MDM1: variants seen among roughly 807,000 people sequenced by gnomAD.
The protein encoded by MDM1 is stabilizer of axonemal microtubules 6.
In MDM1, 61 loss-of-function variants were observed where a neutral mutation model predicts 89.1. The observed-to-expected ratio is 0.68, with a 90% CI of 0.56 to 0.85. The LOEUF is 0.85. Ranked by LOEUF, MDM1 falls within the 40% of genes least tolerant of loss-of-function variation. The probability of loss-of-function intolerance (pLI) is 0.00; values close to 1 mark genes in which losing one functional copy is unlikely to be tolerated. For synonymous variants in MDM1, 290 were observed against 294.1 expected (o/e 0.99, Z 0.14); for missense variants, 820 against 846.5 (o/e 0.97, Z 0.39).
At chr12:68,313,385 CAT>C in intron 12 of MDM1, 56 bp downstream of exon 12, 2 of 1,161,672 alleles carry the variant, frequency 1.7e-6, no homozygotes, top group Non-Finnish European at 2.6e-6. Context: ...TCATTTATTA[CAT>C]GTGTCTACAA....
In MDM1 at chr12:68,332,335, A is replaced by T. The variant is rs913388670; in HGVS notation, c.-90T>A. 1.4e-6 allele frequency: 2 copies of T among 1,433,478 alleles called. No homozygotes were observed. Among genetic ancestry groups the T allele is most frequent in the African/African-American group, 1.4e-5 (1 of 69,626 alleles). 88.8% of individuals were successfully genotyped at this position (1,433,478 alleles called of 1,614,324 possible). A position where few individuals can be genotyped will look rare whatever the true frequency, so the allele number is the denominator to read the frequency against. On this transcript the variant is annotated 5_prime_UTR_variant, in exon 1 of 15. Coordinates refer to ENST00000682720, the MANE Select transcript of MDM1 (RefSeq NM_001354969.2). ...GGGCGATAACAGTGTTCCCTAGCAA[A>T]GCCTCGGCCCGGCGTCCCCGACTAC...
rs760146413 is a variant in MDM1 at position 68,326,535 on chromosome 12, G to A, written c.498+122C>T. 6 of 1,600,444 alleles carry A rather than the reference G, an allele frequency of 3.7e-6. No homozygotes were observed. In the South Asian group the frequency reaches 4.5e-5, roughly 12 times the overall value. ...CAGCCTGTTATCAACTATTCTTATA[G>A]ACATTAGACAAGAAAACAACAATGG... On this transcript the variant is annotated intron_variant, in intron 3 of 14. Coordinates refer to ENST00000682720, the MANE Select transcript of MDM1 (RefSeq NM_001354969.2).
intron 7 of MDM1, 31 bp downstream of exon 7, chr12:68,321,316 A>T (rs764772670): frequency 6.5e-7 from 1 of 1,548,078 alleles, no homozygotes; most frequent in Non-Finnish European, 8.8e-7. Context: ...CTGAAAGAAC[A>T]TGTAGGCTTA....
chr12:68,323,061 G>T lies in MDM1; in HGVS notation c.801+12C>A. 6.3e-7 allele frequency: 1 copy of T among 1,590,770 alleles called. No homozygotes were observed. On this transcript the variant is annotated intron_variant, in intron 5 of 14. Transcript: ENST00000682720. ...GGGATTTTGTTTTGTAAGGTTAAAA[G>T]TTGATGAATACCTTCCTTTCAGGAG...
chr12:68,313,419 CT>C (rs1873975503), intron 12 of MDM1, 23 bp downstream of exon 12: 1 of 1,520,560 alleles, frequency 6.6e-7, no homozygotes, highest in South Asian at 1.1e-5. Context: ...AGATGAGATG[CT>C]TTTTTCCCCA....
At chr12:68,315,944 A>T in intron 9 of MDM1, 134 bp downstream of exon 9, 1 of 658,380 alleles carries the variant, frequency 1.5e-6, no homozygotes, top group Non-Finnish European at 2.4e-6. Context: ...GAGAATAAAA[A>T]TGAAATAAAT....
rs765230354 is a variant in MDM1 at position 68,302,883 on chromosome 12, A to G, written c.1750-11T>C. ...AGCACGACTTTCTTTCTAAATGACA[A>G]AAAAAAAAAAAAAAAAAAGATGCCT... On this transcript the variant is annotated splice_polypyrimidine_tract_variant and intron_variant, in intron 12 of 14. Coordinates refer to ENST00000682720, the MANE Select transcript of MDM1 (RefSeq NM_001354969.2). The G allele has an allele frequency of 5.3e-4, 294 of 556,832 alleles. 1 individual carries two copies. In the African/African-American group the frequency reaches 0.012, roughly 23 times the overall value. 34.5% of individuals were successfully genotyped at this position (556,832 alleles called of 1,614,324 possible).
At chr12:68,303,678 T>C (rs1592948618) in intron 12 of MDM1, among the ~76,000 whole-genome samples, 1 of 152,318 alleles carries the variant, frequency 6.6e-6, no homozygotes, top group East Asian at 1.9e-4. Context: ...CACGTCGCCA[T>C]AAAAATAAGA....
chr12:68,302,466 G>C (rs1872297095), intron 13 of MDM1, among the ~76,000 whole-genome samples, 154 bp downstream of exon 13: 1 of 152,268 alleles, frequency 6.6e-6, no homozygotes, highest in African/African-American at 2.4e-5. Context: ...TTGGTCCCAA[G>C]GAGGGAGTTT....
chr12:68,308,797 T>C (rs561590524), intron 12 of MDM1, among the ~76,000 whole-genome samples: 1 of 152,352 alleles, frequency 6.6e-6, no homozygotes, highest in East Asian at 1.9e-4. Context: ...AAGAGGCTCC[T>C]TGTCCAGAGT....
chr12:68,308,792 G>T (rs762183529), intron 12 of MDM1, among the ~76,000 whole-genome samples: 2 of 152,126 alleles, frequency 1.3e-5, no homozygotes, highest in South Asian at 2.1e-4. Flanking sequence ...CTCCAAAGAG[G>T]CTCCTTGTCC....
At chr12:68,314,124 G>A (rs781324646) in intron 10 of MDM1, among the ~76,000 whole-genome samples, 93 of 111,654 alleles carry the variant, frequency 8.3e-4, no homozygotes, top group Admixed American at 1.2e-3. Context: ...GTGACAGAGC[G>A]AAACTCCGTC....
At chr12:68,299,629 A>G (rs1231513969) in intron 13 of MDM1, among the ~76,000 whole-genome samples, 2 of 152,080 alleles carry the variant, frequency 1.3e-5, no homozygotes, top group African/African-American at 4.8e-5. Context: ...CCAATCAAAC[A>G]AAAATAAAGA....
In MDM1 at chr12:68,313,769, A is replaced by G. The variant is rs1192780648; in HGVS notation, c.1530-16T>C. The G allele has an allele frequency of 2.0e-6, 3 of 1,526,874 alleles. No individual in the cohort carries two copies. The highest frequency in any genetic ancestry group is 2.7e-6 in the Non-Finnish European group (3 of 1,101,698). 94.6% of individuals were successfully genotyped at this position (1,526,874 alleles called of 1,614,324 possible). A position where few individuals can be genotyped will look rare whatever the true frequency, so the allele number is the denominator to read the frequency against. Reference sequence around the variant, plus strand: ...AGAATCTGACCTATAAATTGAAACAATCTATGAATCTATACAGCATTTCCT... The same window carrying G: ...AGAATCTGACCTATAAATTGAAACAGTCTATGAATCTATACAGCATTTCCT... On this transcript the variant is annotated splice_polypyrimidine_tract_variant and intron_variant, in intron 10 of 14. Coordinates refer to ENST00000682720, the MANE Select transcript of MDM1 (RefSeq NM_001354969.2).
chr12:68,316,808 T>G (rs1241499986), intron 7 of MDM1, among the ~76,000 whole-genome samples, 198 bp from the exon 8 acceptor site: 1 of 152,230 alleles, frequency 6.6e-6, no homozygotes. Context: ...CATTCTTGCA[T>G]GGCTAGGATG....
In MDM1 at chr12:68,332,357, C is replaced by G. The variant is rs1309309460; in HGVS notation, c.-112G>C. On this transcript the variant is annotated 5_prime_UTR_variant, in exon 1 of 15. Transcript: ENST00000682720. ...CAAAGCCTCGGCCCGGCGTCCCCGA[C>G]TACGCGCCGGCGCACTCCGCGCTTC... 1 of 1,341,696 alleles carries G rather than the reference C, an allele frequency of 7.5e-7. No homozygotes were observed. Among genetic ancestry groups the G allele is most frequent in the Non-Finnish European group, 1.0e-6 (1 of 1,000,592 alleles). The allele number at this position is 1,341,696 out of a possible 1,614,324, so 83.1% of individuals were successfully genotyped here.
intron 3 of MDM1, 68 bp from the exon 4 acceptor site, chr12:68,325,643 T>TA (rs1461121590): frequency 5.7e-6 from 8 of 1,415,782 alleles, no homozygotes; most frequent in South Asian, 3.7e-5. Context: ...AAAATTGTGG[T>TA]AAAAAATGCA....
intron 3 of MDM1, chr12:68,326,142 C>T: frequency 9.8e-7 from 1 of 1,024,042 alleles, no homozygotes; most frequent in Non-Finnish European, 1.2e-6. Flanking sequence ...GCAGCCTCTG[C>T]TTATGTGCTC....
In MDM1 at chr12:68,295,213, T is replaced by G; in HGVS notation, c.*41A>C. The G allele has an allele frequency of 7.4e-7, 1 of 1,352,484 alleles. No individual in the cohort carries two copies. The highest frequency in any genetic ancestry group is 2.1e-5 in the Admixed American group (1 of 46,672). The allele number at this position is 1,352,484 out of a possible 1,614,324, so 83.8% of individuals were successfully genotyped here. A position where few individuals can be genotyped will look rare whatever the true frequency, so the allele number is the denominator to read the frequency against. On this transcript the variant is annotated 3_prime_UTR_variant, in exon 15 of 15. Transcript: ENST00000682720. Reference sequence around the variant, plus strand: ...TAACACAGTAAGCAATAAAGAAAAATTATGCCAATGTTTCCTTAGATAAAG... The same window carrying G: ...TAACACAGTAAGCAATAAAGAAAAAGTATGCCAATGTTTCCTTAGATAAAG...
Sources: gnomAD v4.1 joint callset for allele counts (sites outside exome capture counted in the v4.1 genomes callset) on GRCh38, gnomAD v4.1.1 for gene constraint, MANE v1.5 for transcripts, NCBI Gene and HGNC (gene_info 2026-07-23, HGNC 2026-07-21) for gene names.